CCDC77: variants seen among roughly 807,000 people sequenced by gnomAD.
CCDC77 encodes coiled-coil domain-containing protein 77.
Under a neutral mutation model 66.8 loss-of-function variants are expected in CCDC77, and 56 were observed. The ratio of observed to expected loss-of-function variants is 0.84; its 90% confidence interval spans 0.68 to 1.05. The LOEUF is 1.05. CCDC77 is among the 50% of genes least tolerant of loss of function. The pLI is 0.00. For missense variants in CCDC77, 570 were observed against 576.8 expected (o/e 0.99, Z 0.12); for synonymous variants, 196 against 195.2 (o/e 1.00, Z -0.03).
In CCDC77 at chr12:442,002, T is replaced by C. The variant is rs910177734; in HGVS notation, c.*82T>C. 1.5e-4 allele frequency: 217 copies of C among 1,474,672 alleles called. 2 individuals are homozygous for C. In the South Asian group the frequency reaches 2.4e-3, roughly 17 times the overall value. The allele number at this position is 1,474,672 out of a possible 1,614,324, so 91.3% of individuals were successfully genotyped here. The stretch of plus-strand genomic sequence containing the variant: ...GACAAGGTCATCTGCTGCCAGAAAA[T>C]GTAAACCTGAGTTGACTAGAGTGGT... On this transcript the variant is annotated 3_prime_UTR_variant, in exon 13 of 13. Coordinates refer to ENST00000239830, the MANE Select transcript of CCDC77 (RefSeq NM_032358.4).
Position 416,369 on chromosome 12 carries a change from GTGTGTGTGTATATATATA to G in CCDC77, c.271-2123_271-2106del, listed in dbSNP as rs1378093005. Among the ~76,000 whole-genome samples, 39 of 29,334 alleles carry G rather than the reference GTGTGTGTGTATATATATA, an allele frequency of 1.3e-3. 2 individuals are homozygous for G. The highest frequency in any genetic ancestry group is 3.2e-3 in the African/African-American group (30 of 9,348). The allele number at this position is 29,334 out of a possible 152,430, so 19.2% of individuals were successfully genotyped here. On this transcript the variant is annotated intron_variant, in intron 4 of 12. Transcript: ENST00000239830. ...GGTGTGTGTGTGTGTGTGTGTGTGT[GTGTGTGTGTATATATATA>G]TATATATATATATATATATATATAT... is the stretch of plus-strand genomic sequence containing the variant.
intron 5 of CCDC77, among the ~76,000 whole-genome samples, chr12:422,558 G>A (rs1161594163): frequency 1.3e-5 from 2 of 152,232 alleles, no homozygotes; most frequent in Non-Finnish European, 2.9e-5. Context: ...TCAGCGTAAT[G>A]TCTTCAAGGT....
At chr12:430,565 T>C (rs1945631280) in intron 6 of CCDC77, 99 bp from the exon 7 acceptor site, 1 of 864,090 alleles carries the variant, frequency 1.2e-6, no homozygotes, top group African/African-American at 1.7e-5. Context: ...CAGTTTTGAC[T>C]AATTTAACTT....
At chr12:409,332 G>A (rs1945061405) in intron 2 of CCDC77, 36 bp from the exon 3 acceptor site, 32 of 1,489,964 alleles carry the variant, frequency 2.1e-5, no homozygotes, top group Admixed American at 3.4e-5. Flanking sequence ...TTTTCTATTC[G>A]TGGCCCGTAA....
Position 415,306 on chromosome 12 carries a change from ATAT to A in CCDC77, c.271-3184_271-3182del, listed in dbSNP as rs71858282. ...ATATTATGTTAATATAATCAACATA[ATAT>A]TATGTTAATATAATCAACATAATAT... is the stretch of plus-strand genomic sequence containing the variant. On this transcript the variant is annotated intron_variant, in intron 4 of 12. Coordinates refer to ENST00000239830, the MANE Select transcript of CCDC77 (RefSeq NM_032358.4). 1.8e-3 allele frequency among the ~76,000 whole-genome samples: 180 copies of A among 100,264 alleles called. 9 individuals are homozygous for A. The highest frequency in any genetic ancestry group is 4.5e-3 in the African/African-American group (85 of 19,078). 65.8% of individuals were successfully genotyped at this position (100,264 alleles called of 152,430 possible). A position where few individuals can be genotyped will look rare whatever the true frequency, so the allele number is the denominator to read the frequency against.
At chr12:440,141 G>A (rs923793204) in intron 10 of CCDC77, among the ~76,000 whole-genome samples, 9 of 152,212 alleles carry the variant, frequency 5.9e-5, no homozygotes, top group East Asian at 1.9e-4. Context: ...GTGCATCATC[G>A]TATGGAGTGT....
intron 1 of CCDC77, among the ~76,000 whole-genome samples, chr12:404,103 G>A (rs1201501279): frequency 6.6e-6 from 1 of 152,216 alleles, no homozygotes; most frequent in Non-Finnish European, 1.5e-5. Context: ...GATCATCTGA[G>A]GTCAGGAGTT....
At chr12:413,535 G>A (rs7953831) in intron 4 of CCDC77, among the ~76,000 whole-genome samples, 5,001 of 149,220 alleles carry the variant, frequency 0.034, 287 homozygotes, top group South Asian at 0.12. Context: ...CACTGCGCCC[G>A]GCCTCTCTAG....
chr12:416,399 A>ATATATATATATATATG (rs1945281656), intron 4 of CCDC77, among the ~76,000 whole-genome samples: 1 of 53,892 alleles, frequency 1.9e-5, no homozygotes, highest in African/African-American at 6.2e-5. Context: ...ATATATATAT[A>ATATATATATATATATG]TATATATATA....
intron 12 of CCDC77, 63 bp from the exon 13 acceptor site, chr12:441,711 G>A: frequency 6.5e-7 from 1 of 1,547,942 alleles, no homozygotes; most frequent in South Asian, 1.2e-5. Context: ...CTTTTTGACT[G>A]ATATCGCTCC....
upstream of CCDC77, among the ~76,000 whole-genome samples, chr12:401,000 G>T (rs1349521660): frequency 1.3e-5 from 2 of 152,174 alleles, no homozygotes; most frequent in Non-Finnish European, 2.9e-5. Context: ...CATACCAGTA[G>T]CTGTAATTCT....
At position 440,504 on chromosome 12, in the gene CCDC77, C is replaced by G. The variant is rs546738875; in HGVS notation, c.1042-113C>G. The G allele has an allele frequency of 8.1e-4, 995 of 1,233,712 alleles. 1 individual carries two copies. Among genetic ancestry groups the G allele is most frequent in the Non-Finnish European group, 9.9e-4 (885 of 890,396 alleles). The allele number at this position is 1,233,712 out of a possible 1,614,324, so 76.4% of individuals were successfully genotyped here. A position where few individuals can be genotyped will look rare whatever the true frequency, so the allele number is the denominator to read the frequency against. ...TTCCTTGTCATCTGGTTCCTTAACT[C>G]ATTTTGTACCTCTGGAAATCCCTTC... On this transcript the variant is annotated intron_variant, in intron 10 of 12. Coordinates refer to ENST00000239830, the MANE Select transcript of CCDC77 (RefSeq NM_032358.4).
chr12:404,120 C>T (rs966983876), intron 1 of CCDC77, among the ~76,000 whole-genome samples: 2 of 152,138 alleles, frequency 1.3e-5, no homozygotes, highest in East Asian at 3.9e-4. Context: ...AGTTCGAGAC[C>T]AGCCTGGCCA....
In CCDC77 at chr12:423,470, G is replaced by GTGTTTTTTTTTT. The variant is rs1565572116; in HGVS notation, c.413+4835_413+4836insGTTTTTTTTTTT. Among the ~76,000 whole-genome samples, 14 of 44,874 alleles carry GTGTTTTTTTTTT rather than the reference G, an allele frequency of 3.1e-4. 1 individual carries two copies. Among genetic ancestry groups the GTGTTTTTTTTTT allele is most frequent in the Admixed American group, 2.6e-3 (8 of 3,076 alleles). 29.4% of individuals were successfully genotyped at this position (44,874 alleles called of 152,430 possible). A position where few individuals can be genotyped will look rare whatever the true frequency, so the allele number is the denominator to read the frequency against. On this transcript the variant is annotated intron_variant, in intron 5 of 12. Coordinates refer to ENST00000239830, the MANE Select transcript of CCDC77 (RefSeq NM_032358.4). Reference sequence around the variant, plus strand: ...TTGTTATTTTCTGGGTGTTTTTTGTGTTTTTTGTGTTTTTTTTTGTTTTGT... The same window carrying GTGTTTTTTTTTT: ...TTGTTATTTTCTGGGTGTTTTTTGTGTGTTTTTTTTTTTTTTTTGTGTTTTTTTTTGTTTTGT...
intron 4 of CCDC77, among the ~76,000 whole-genome samples, chr12:417,601 A>G (rs1462482895): frequency 6.6e-6 from 1 of 152,154 alleles, no homozygotes; most frequent in African/African-American, 2.4e-5. Context: ...AATGCTTATG[A>G]TATAGGAAAC....
chr12:427,475 A>ATT (rs71045060), intron 5 of CCDC77, among the ~76,000 whole-genome samples: 9 of 127,678 alleles, frequency 7.0e-5, no homozygotes, highest in African/African-American at 1.7e-4. Flanking sequence ...TAATTAATTA[A>ATT]TTTTTTTTTT....
Position 418,622 on chromosome 12 carries a change from C to A in CCDC77, c.399C>A (p.Asp133Glu), listed in dbSNP as rs764697744. The A allele has an allele frequency of 1.9e-6, 3 of 1,613,842 alleles. No homozygotes were observed. The highest frequency in any genetic ancestry group is 2.5e-6 in the Non-Finnish European group (3 of 1,179,918). ...TTTTACGCCTCTACTCAGAAAATGA[C>A]CGACTGAGAATCAGGTACCAAATAG... ...EHVLRLYSENDRLRIRELEDK... is the reference protein window; with the variant it reads ...EHVLRLYSENERLRIRELEDK... Residue 133 changes from aspartate to glutamate, a missense_variant, in exon 5 of 13, where the codon GAC becomes GAA. Transcript: ENST00000239830.
intron 4 of CCDC77, among the ~76,000 whole-genome samples, chr12:412,357 G>A (rs927576922): frequency 6.6e-6 from 1 of 152,218 alleles, no homozygotes; most frequent in African/African-American, 2.4e-5. Flanking sequence ...TAACTGCAGT[G>A]CCTGCAAATG....
chr12:394,451 C>A (rs1412446929), intron 1 of CCDC77, among the ~76,000 whole-genome samples: 1 of 152,186 alleles, frequency 6.6e-6, no homozygotes, highest in African/African-American at 2.4e-5. Context: ...GGTGTCACTA[C>A]CATGATTCAT....
Sources: gnomAD v4.1 joint callset for allele counts (sites outside exome capture counted in the v4.1 genomes callset) on GRCh38, gnomAD v4.1.1 for gene constraint, MANE v1.5 for transcripts, NCBI Gene and HGNC (gene_info 2026-07-23, HGNC 2026-07-21) for gene names.